TBC1D23: variants seen among roughly 807,000 people sequenced by gnomAD.
TBC1D23 encodes the protein TBC1 domain family member 23.
Under a neutral mutation model 91.4 loss-of-function variants are expected in TBC1D23, and 55 were observed. That is an observed-to-expected ratio of 0.60 (90% CI 0.48 to 0.75). TBC1D23 has a LOEUF of 0.75. Among genes scored for constraint, TBC1D23 ranks in the 30% least tolerant of loss-of-function variants. The pLI is 0.00. For missense variants in TBC1D23, 725 were observed against 836.1 expected, an observed-to-expected ratio of 0.87 and a Z score of 1.64; for synonymous variants, 289 against 281.0, an observed-to-expected ratio of 1.03 and a Z score of -0.28.
At position 100,281,853 on chromosome 3, in the gene TBC1D23, C is replaced by T. The variant is rs375204291; in HGVS notation, c.271+6C>T. ...AGATTGCCTGCAGTTTATTGGTAAG[C>T]TGAATAATCACTTTCAAGCAGAGTT... On this transcript the variant is annotated splice_donor_region_variant and intron_variant, in intron 3 of 18. Coordinates refer to ENST00000394144, the MANE Select transcript of TBC1D23 (RefSeq NM_001199198.3). 36 of 1,568,480 alleles carry T rather than the reference C, an allele frequency of 2.3e-5. No individual in the cohort carries two copies. The African/African-American group carries it at 4.5e-4, about 19-fold the overall frequency.
chr3:100,317,596 A>AAATCACTTTT (rs1705773095), intron 16 of TBC1D23, among the ~76,000 whole-genome samples: 1 of 152,198 alleles, frequency 6.6e-6, no homozygotes, highest in Non-Finnish European at 1.5e-5. Context: ...TTTAATAGAT[A>AAATCACTTTT]CATGAAATCA....
At position 100,299,185 on chromosome 3, in the gene TBC1D23, G is replaced by A; in HGVS notation, c.1000-54G>A. On this transcript the variant is annotated intron_variant, in intron 9 of 18. Transcript: ENST00000394144. ...TGGTTAACTGTGAATATTATGTTGT[G>A]CAATGTGAACCTCATGGGAAATTCC... The A allele has an allele frequency of 2.6e-6, 3 of 1,135,286 alleles. No homozygotes were observed. In the Admixed American group the frequency reaches 5.3e-5, roughly 20 times the overall value. The allele number at this position is 1,135,286 out of a possible 1,614,324, so 70.3% of individuals were successfully genotyped here.
Position 100,290,632 on chromosome 3 carries a change from C to T in TBC1D23, c.531C>T (p.Tyr177=). Residue 177 remains tyrosine, a synonymous_variant, in exon 5 of 19, where the codon TAC becomes TAT. Coordinates refer to ENST00000394144, the MANE Select transcript of TBC1D23 (RefSeq NM_001199198.3). The stretch of plus-strand genomic sequence containing the variant: ...ATCTCTTCAGGTTGCTCATCCAATA[C>T]CATGAGCCTGAGCTTTGTTCTTATC... ...PFHLFRLLIQ[Y]HEPELCSYLD... 6 of 1,612,500 alleles carry T rather than the reference C, an allele frequency of 3.7e-6. No homozygotes were observed. The highest frequency in any genetic ancestry group is 5.1e-6 in the Non-Finnish European group (6 of 1,178,536).
intron 1 of TBC1D23, among the ~76,000 whole-genome samples, chr3:100,262,196 G>C (rs1238907323): frequency 6.6e-6 from 1 of 152,140 alleles, no homozygotes; most frequent in Non-Finnish European, 1.5e-5. Flanking sequence ...ACTTGCTTAT[G>C]TTGGAGTTGG....
At chr3:100,279,089 C>T (rs1037380424) in intron 1 of TBC1D23, among the ~76,000 whole-genome samples, 1 of 152,092 alleles carries the variant, frequency 6.6e-6, no homozygotes, top group African/African-American at 2.4e-5. Flanking sequence ...TGACATGTGA[C>T]CATAATATGA....
chr3:100,304,940 A>G, intron 12 of TBC1D23, 52 bp downstream of exon 12: 2 of 977,836 alleles, frequency 2.0e-6, no homozygotes. Context: ...AAGAAATTGT[A>G]TTGATTATCA....
At chr3:100,304,781 G>A in intron 11 of TBC1D23, 65 bp from the exon 12 acceptor site, 1 of 804,616 alleles carries the variant, frequency 1.2e-6, no homozygotes, top group Non-Finnish European at 2.2e-6. Flanking sequence ...CAGTGTTTTA[G>A]AACTAGCTAA....
chr3:100,303,751 C>T (rs1194302182), intron 11 of TBC1D23, among the ~76,000 whole-genome samples: 3 of 152,124 alleles, frequency 2.0e-5, no homozygotes, highest in Admixed American at 6.5e-5. Context: ...GCCTGGGTGA[C>T]AGAGCGAGAC....
chr3:100,279,006 T>C (rs958316154), intron 1 of TBC1D23, among the ~76,000 whole-genome samples: 3 of 152,216 alleles, frequency 2.0e-5, no homozygotes, highest in Admixed American at 6.5e-5. Flanking sequence ...CTTGGCTGAA[T>C]TGAGCATAAT....
chr3:100,312,240 C>G (rs1705636905), intron 15 of TBC1D23, among the ~76,000 whole-genome samples: 1 of 152,128 alleles, frequency 6.6e-6, no homozygotes, highest in Non-Finnish European at 1.5e-5. Flanking sequence ...CTTCTATCTC[C>G]CGCCTAGCAG....
intron 4 of TBC1D23, among the ~76,000 whole-genome samples, chr3:100,289,788 G>T (rs2067774528): frequency 6.6e-6 from 1 of 152,166 alleles, no homozygotes. Flanking sequence ...AGGGGTACGT[G>T]TGCAGGTTTG....
intron 7 of TBC1D23, among the ~76,000 whole-genome samples, chr3:100,295,779 G>C (rs1269529650): frequency 6.6e-6 from 1 of 152,054 alleles, no homozygotes; most frequent in Non-Finnish European, 1.5e-5. Context: ...TGTTCTATCT[G>C]TATAACAATG....
intron 1 of TBC1D23, among the ~76,000 whole-genome samples, chr3:100,277,549 C>A (rs893012206): frequency 2.0e-4 from 30 of 151,958 alleles, no homozygotes; most frequent in African/African-American, 7.3e-4. Context: ...CATTTTGCAA[C>A]AAAATACAAG....
chr3:100,321,221 T>C (rs1705852962), intron 18 of TBC1D23, among the ~76,000 whole-genome samples: 1 of 152,230 alleles, frequency 6.6e-6, no homozygotes, highest in African/African-American at 2.4e-5. Context: ...TTATTGTTAA[T>C]CTGTACCAGT....
chr3:100,316,452 T>C (rs548330700), intron 16 of TBC1D23, among the ~76,000 whole-genome samples: 1 of 151,848 alleles, frequency 6.6e-6, no homozygotes, highest in Non-Finnish European at 1.5e-5. Context: ...ACTTAAAGTA[T>C]AATAATAATA....
intron 1 of TBC1D23, among the ~76,000 whole-genome samples, chr3:100,270,017 A>G (rs1217629453): frequency 6.6e-6 from 1 of 152,220 alleles, no homozygotes; most frequent in African/African-American, 2.4e-5. Context: ...CTGAGCTTAC[A>G]GTGATTTACA....
intron 18 of TBC1D23, 32 bp downstream of exon 18, chr3:100,321,003 A>G (rs370182362): frequency 1.8e-5 from 26 of 1,474,120 alleles, no homozygotes; most frequent in Non-Finnish European, 2.4e-5. Context: ...TATTATCTGA[A>G]TTCAGATATT....
In TBC1D23 at chr3:100,290,233, T is replaced by G. The variant is rs376923857; in HGVS notation, c.477-345T>G. On this transcript the variant is annotated intron_variant, in intron 4 of 18. Coordinates refer to ENST00000394144, the MANE Select transcript of TBC1D23 (RefSeq NM_001199198.3). Reference sequence around the variant, plus strand: ...TAACCTGAAGCCTAGTTTCTAGAAGTTCCTCTTTTTTGGCAGAGAAGGAAG... The same window carrying G: ...TAACCTGAAGCCTAGTTTCTAGAAGGTCCTCTTTTTTGGCAGAGAAGGAAG... Among the ~76,000 whole-genome samples, 5 of 152,124 alleles carry G rather than the reference T, an allele frequency of 3.3e-5. No homozygotes were observed. In the East Asian group the frequency reaches 7.7e-4, roughly 23 times the overall value.
chr3:100,283,429 G>T (rs190440092), intron 3 of TBC1D23, among the ~76,000 whole-genome samples, 178 bp from the exon 4 acceptor site: 20 of 151,962 alleles, frequency 1.3e-4, no homozygotes, highest in African/African-American at 4.8e-4. Flanking sequence ...TTGGGTTTTG[G>T]ATCTGTGAAC....
Sources: gnomAD v4.1 joint callset for allele counts (sites outside exome capture counted in the v4.1 genomes callset) on GRCh38, gnomAD v4.1.1 for gene constraint, MANE v1.5 for transcripts, NCBI Gene and HGNC (gene_info 2026-07-23, HGNC 2026-07-21) for gene names.